RANBP17: variants seen among roughly 807,000 people sequenced by gnomAD.
The protein encoded by RANBP17 is ran-binding protein 17.
Under a neutral mutation model 141.2 loss-of-function variants are expected in RANBP17, and 158 were observed. The ratio of observed to expected loss-of-function variants is 1.12; its 90% confidence interval spans 0.98 to 1.28. The LOEUF is 1.28. RANBP17 is among the 50% of genes most tolerant of loss of function. The pLI is 0.00. For missense variants in RANBP17, 1,438 were observed against 1,290.7 expected, an observed-to-expected ratio of 1.11 and a Z score of -1.75; for synonymous variants, 430 against 450.0, an observed-to-expected ratio of 0.96 and a Z score of 0.56.
At chr5:170,876,022 G>A (rs1437416826) in intron 1 of RANBP17, among the ~76,000 whole-genome samples, 1 of 152,198 alleles carries the variant, frequency 6.6e-6, no homozygotes, top group Non-Finnish European at 1.5e-5. Context: ...GCTGTGGTTT[G>A]CTGAGAGTTC....
intron 14 of RANBP17, among the ~76,000 whole-genome samples, chr5:171,024,922 T>C (rs971869575): frequency 6.6e-6 from 1 of 152,184 alleles, no homozygotes; most frequent in African/African-American, 2.4e-5. Flanking sequence ...TCTCCAACTA[T>C]CTACATGACA....
At chr5:170,876,677 TAAG>T (rs1768208259) in intron 1 of RANBP17, among the ~76,000 whole-genome samples, 1 of 151,958 alleles carries the variant, frequency 6.6e-6, no homozygotes, top group Non-Finnish European at 1.5e-5. Context: ...ATAAAAGCGC[TAAG>T]AAGGAGAGAG....
intron 25 of RANBP17, among the ~76,000 whole-genome samples, chr5:171,272,150 C>G (rs1043662080): frequency 2.0e-5 from 3 of 152,104 alleles, no homozygotes; most frequent in African/African-American, 7.2e-5. Context: ...ATTGAGTACA[C>G]ATGGACATGA....
At chr5:170,927,698 G>A (rs1027367441) in intron 12 of RANBP17, among the ~76,000 whole-genome samples, 3 of 151,950 alleles carry the variant, frequency 2.0e-5, no homozygotes, top group African/African-American at 7.2e-5. Flanking sequence ...CAAATATGGT[G>A]AGCATATTTT....
intron 18 of RANBP17, 72 bp downstream of exon 18, chr5:171,183,502 C>A: frequency 1.0e-6 from 1 of 976,346 alleles, no homozygotes; most frequent in Non-Finnish European, 1.6e-6. Flanking sequence ...AAGTGGAGTA[C>A]TAGTGGGTAC....
At chr5:170,868,361 A>T (rs1767443177) in intron 1 of RANBP17, among the ~76,000 whole-genome samples, 1 of 151,812 alleles carries the variant, frequency 6.6e-6, no homozygotes. Flanking sequence ...AAATCCTCCC[A>T]CCTCAGCCTC....
chr5:171,165,049 A>G (rs1405121728), intron 14 of RANBP17, among the ~76,000 whole-genome samples: 2 of 152,218 alleles, frequency 1.3e-5, no homozygotes, highest in African/African-American at 4.8e-5. Context: ...TGACCACTTC[A>G]GCACCTACTG....
At chr5:170,911,940 T>G (rs1047087661) in intron 7 of RANBP17, among the ~76,000 whole-genome samples, 3 of 151,888 alleles carry the variant, frequency 2.0e-5, no homozygotes, top group Non-Finnish European at 4.4e-5. Flanking sequence ...AGTTAAACTC[T>G]CCAGGATCTT....
intron 12 of RANBP17, among the ~76,000 whole-genome samples, chr5:170,941,529 A>C (rs1445297299): frequency 6.6e-6 from 1 of 152,202 alleles, no homozygotes; most frequent in Non-Finnish European, 1.5e-5. Context: ...AAGAATTTAG[A>C]AGATGTTTGC....
intron 14 of RANBP17, chr5:171,143,352 G>C (rs765835836): frequency 6.6e-6 from 1 of 152,234 alleles, no homozygotes. Context: ...TTGCTCCGTG[G>C]TTGGGGCAGG....
intron 25 of RANBP17, among the ~76,000 whole-genome samples, chr5:171,285,259 G>T (rs953755898): frequency 8.5e-5 from 13 of 152,230 alleles, no homozygotes; most frequent in African/African-American, 3.1e-4. Flanking sequence ...ACATGTGCCT[G>T]TGTTAGTCTC....
intron 14 of RANBP17, among the ~76,000 whole-genome samples, chr5:170,985,068 T>C (rs866428814): frequency 2.3e-4 from 34 of 148,946 alleles, no homozygotes; most frequent in Admixed American, 1.3e-3. Flanking sequence ...CAGACACATA[T>C]ACACACACAG....
intron 24 of RANBP17, chr5:171,243,064 A>G (rs1764989019): frequency 2.1e-6 from 1 of 482,798 alleles, no homozygotes; most frequent in Non-Finnish European, 3.7e-6. Context: ...AGTGACTTTA[A>G]GTGGATAGTT....
intron 12 of RANBP17, among the ~76,000 whole-genome samples, chr5:170,931,440 T>C (rs1365315765): frequency 6.6e-6 from 1 of 152,232 alleles, no homozygotes; most frequent in African/African-American, 2.4e-5. Context: ...TTTTGTCTTT[T>C]GTTGCCATTG....
intron 14 of RANBP17, among the ~76,000 whole-genome samples, chr5:171,088,137 G>A (rs1206785071): frequency 6.6e-6 from 1 of 151,766 alleles, no homozygotes; most frequent in Non-Finnish European, 1.5e-5. Context: ...GCTTCCTTCA[G>A]GAGCTCTTTT....
chr5:170,915,123 AAC>A (rs1372742406), intron 8 of RANBP17, among the ~76,000 whole-genome samples: 1 of 152,156 alleles, frequency 6.6e-6, no homozygotes, highest in Non-Finnish European at 1.5e-5. Flanking sequence ...TTTTAGTCGC[AAC>A]AGTCTTGCTT....
intron 18 of RANBP17, among the ~76,000 whole-genome samples, chr5:171,192,702 A>C (rs913439419): frequency 4.6e-5 from 7 of 152,294 alleles, no homozygotes; most frequent in Non-Finnish European, 7.4e-5. Flanking sequence ...CTATTAGAAG[A>C]AGCATTGACT....
At chr5:170,940,204 A>C (rs145751141) in intron 12 of RANBP17, among the ~76,000 whole-genome samples, 1 of 152,182 alleles carries the variant, frequency 6.6e-6, no homozygotes, top group Non-Finnish European at 1.5e-5. Flanking sequence ...AAAATGTGCT[A>C]TGCAAATATG....
chr5:170,923,644 T>C (rs1772661939), intron 11 of RANBP17, among the ~76,000 whole-genome samples: 1 of 152,212 alleles, frequency 6.6e-6, no homozygotes, highest in African/African-American at 2.4e-5. Context: ...TCTTTTAGTT[T>C]ATTTAGCTCT....
Sources: gnomAD v4.1 joint callset for allele counts (sites outside exome capture counted in the v4.1 genomes callset) on GRCh38, gnomAD v4.1.1 for gene constraint, MANE v1.5 for transcripts, NCBI Gene and HGNC (gene_info 2026-07-23, HGNC 2026-07-21) for gene names.